The following PHF20L1 variants were observed in gnomAD, a reference collection of about 807,000 sequenced individuals.
PHF20L1 encodes the protein PHD finger protein 20-like protein 1.
PHF20L1 carries 44 observed loss-of-function variants against 125.5 expected under a neutral mutation model. The ratio of observed to expected loss-of-function variants is 0.35; its 90% CI spans 0.28 to 0.45. The LOEUF is 0.45. Ranked by LOEUF, PHF20L1 falls within the 20% of genes least tolerant of loss-of-function variation. PHF20L1 has a pLI of 1.00. For synonymous variants in PHF20L1, 380 were observed against 403.1 expected (o/e 0.94, Z 0.69); for missense variants, 1,012 against 1,217.2 (o/e 0.83, Z 2.51).
In PHF20L1 at chr8:132,847,286, CTGTT is replaced by C. The variant is rs1554645816; in HGVS notation, c.*1365_*1368del. On this transcript the variant is annotated 3_prime_UTR_variant, in exon 21 of 21. Transcript: ENST00000395386. Reference sequence around the variant, plus strand: ...ACATGAAATGTTACCTTTTAACAGACTGTTTTTAAAAATTAAAAATGTATGTATA... The same window carrying C: ...ACATGAAATGTTACCTTTTAACAGACTTTAAAAATTAAAAATGTATGTATA... 2.6e-5 allele frequency: 4 copies of C among 152,474 alleles called. 1 individual carries two copies. The highest frequency in any genetic ancestry group is 4.1e-4 in the South Asian group (2 of 4,834). 9.4% of individuals were successfully genotyped at this position (152,474 alleles called of 1,614,324 possible). A position where few individuals can be genotyped will look rare whatever the true frequency, so the allele number is the denominator to read the frequency against.
rs569849685 is a variant in PHF20L1 at position 132,777,658 on chromosome 8, A to G, written c.-37-134A>G. 70 of 541,654 alleles carry G rather than the reference A, an allele frequency of 1.3e-4. No homozygotes were observed. In the South Asian group the frequency reaches 1.6e-3, roughly 12 times the overall value. The allele number at this position is 541,654 out of a possible 1,614,324, so 33.6% of individuals were successfully genotyped here. On this transcript the variant is annotated intron_variant, in intron 1 of 20. Transcript: ENST00000395386. ...TGGTAATACTCCTTCAAATTTCTTAACAATTTGGCAAGTATTTCATATTCT... is the reference window on the plus strand; with the variant it reads ...TGGTAATACTCCTTCAAATTTCTTAGCAATTTGGCAAGTATTTCATATTCT...
intron 12 of PHF20L1, among the ~76,000 whole-genome samples, chr8:132,822,703 A>G (rs941563883): frequency 2.0e-5 from 3 of 151,984 alleles, no homozygotes; most frequent in African/African-American, 7.2e-5. Context: ...TTTTTCTGTC[A>G]TAACAAATGG....
At chr8:132,804,796 GTAATT>G (rs1233506800) in intron 8 of PHF20L1, 56 bp downstream of exon 8, 3 of 1,425,370 alleles carry the variant, frequency 2.1e-6, no homozygotes, top group Non-Finnish European at 2.9e-6. Context: ...TAATTTTAGA[GTAATT>G]TATTTTTAAT....
At chr8:132,785,220 A>G (rs1378393337) in intron 2 of PHF20L1, among the ~76,000 whole-genome samples, 1 of 152,152 alleles carries the variant, frequency 6.6e-6, no homozygotes, top group African/African-American at 2.4e-5. Context: ...GCCGAATGTT[A>G]TTATGTATTA....
chr8:132,816,848 G>T (rs1465208229), intron 10 of PHF20L1, 40 bp from the exon 11 acceptor site: 5 of 1,282,134 alleles, frequency 3.9e-6, no homozygotes, highest in Admixed American at 3.5e-5. Flanking sequence ...GATGCTCCTG[G>T]TATGTATCTG....
At chr8:132,778,011 A>G in intron 2 of PHF20L1, 100 bp downstream of exon 2, 4 of 754,260 alleles carry the variant, frequency 5.3e-6, no homozygotes, top group Non-Finnish European at 9.3e-6. Context: ...CAGAAACATC[A>G]GTGTATTCAC....
At chr8:132,828,146 C>T (rs1836390923) in intron 14 of PHF20L1, among the ~76,000 whole-genome samples, 1 of 152,008 alleles carries the variant, frequency 6.6e-6, no homozygotes, top group South Asian at 2.1e-4. Context: ...TTTTAGTCTA[C>T]AGTTAGCACC....
rs1019323514 is a variant in PHF20L1 at position 132,848,150 on chromosome 8, T to A, written c.*2227T>A. ...AATTCATGCACATTTGTTCTTGTAGTTTCTAAAAATTAGATCAATTTATTT... is the reference window on the plus strand; with the variant it reads ...AATTCATGCACATTTGTTCTTGTAGATTCTAAAAATTAGATCAATTTATTT... On this transcript the variant is annotated 3_prime_UTR_variant, in exon 21 of 21. Transcript: ENST00000395386. 6.6e-6 allele frequency: 1 copy of A among 152,102 alleles called. No individual in the cohort carries two copies. Among genetic ancestry groups the A allele is most frequent in the African/African-American group, 2.4e-5 (1 of 41,442 alleles). The allele number at this position is 152,102 out of a possible 1,614,324, so 9.4% of individuals were successfully genotyped here.
chr8:132,789,424 G>A (rs1232411769), intron 2 of PHF20L1, among the ~76,000 whole-genome samples: 8 of 152,130 alleles, frequency 5.3e-5, no homozygotes, highest in African/African-American at 1.4e-4. Context: ...GCCATTAGAG[G>A]ACTTTAATTC....
intron 8 of PHF20L1, chr8:132,807,496 A>G (rs1167870140): frequency 3.6e-6 from 1 of 276,600 alleles, no homozygotes; most frequent in Non-Finnish European, 7.1e-6. Flanking sequence ...TGTTTCTGTA[A>G]CTTAAGGAAT....
intron 15 of PHF20L1, among the ~76,000 whole-genome samples, chr8:132,833,415 C>A (rs1031161117): frequency 6.6e-6 from 1 of 152,000 alleles, no homozygotes; most frequent in Non-Finnish European, 1.5e-5. Flanking sequence ...AAGTTACCAC[C>A]ACCCTTTTCC....
chr8:132,817,561 T>C lies in PHF20L1; in HGVS notation c.1579+16T>C. The C allele has an allele frequency of 6.4e-7, 1 of 1,570,382 alleles. No homozygotes were observed. The highest frequency in any genetic ancestry group is 8.7e-7 in the Non-Finnish European group (1 of 1,152,222). ...GCAGCAGCAGGTAAAAGAAAAAAAA[T>C]AAAGGCTCCTATAAGTAGATAAGTA... On this transcript the variant is annotated intron_variant, in intron 12 of 20. Transcript: ENST00000395386.
intron 19 of PHF20L1, chr8:132,843,754 C>T: frequency 1.0e-6 from 1 of 985,090 alleles, no homozygotes; most frequent in Non-Finnish European, 1.2e-6. Flanking sequence ...TTATACTGGT[C>T]TTTGGAAACG....
In PHF20L1 at chr8:132,794,750, A is replaced by G; in HGVS notation, c.273A>G (p.Glu91=). The G allele has an allele frequency of 6.2e-7, 1 of 1,612,568 alleles. No individual in the cohort carries two copies. The highest frequency in any genetic ancestry group is 8.5e-7 in the Non-Finnish European group (1 of 1,178,894). ...EEDFFDFKAG[E]EVLARWTDCR... is the part of the protein sequence containing the mutation. ...TAAAATAGGATTTTAAAGCTGGAGA[A>G]GAAGTTCTGGCTCGTTGGACAGACT... is the stretch of plus-strand genomic sequence containing the variant. The change falls in exon 4 of 21, where the codon GAA becomes GAG. Residue 91 remains glutamate, a synonymous_variant. Coordinates refer to ENST00000395386, the MANE Select transcript of PHF20L1 (RefSeq NM_016018.5).
rs1586977880 is a variant in PHF20L1 at position 132,817,259 on chromosome 8, G to T, written c.1373-80G>T. The T allele has an allele frequency of 4.1e-6, 5 of 1,227,284 alleles. No individual in the cohort carries two copies. In the East Asian group the frequency reaches 1.2e-4, roughly 29 times the overall value. 76.0% of individuals were successfully genotyped at this position (1,227,284 alleles called of 1,614,324 possible). A position where few individuals can be genotyped will look rare whatever the true frequency, so the allele number is the denominator to read the frequency against. On this transcript the variant is annotated intron_variant, in intron 11 of 20. Transcript: ENST00000395386. The stretch of plus-strand genomic sequence containing the variant: ...TTGTGCCAGGCACTGTTTAAATTAT[G>T]TAACACTTTAATTCACAGTGATAGT...
intron 9 of PHF20L1, chr8:132,812,871 C>T (rs1199879108): frequency 1.0e-6 from 1 of 980,630 alleles, no homozygotes; most frequent in East Asian, 1.1e-4. Context: ...ACTTACTGTG[C>T]TAATGGACTT....
At chr8:132,803,493 TAAGG>T (rs1833328499) in intron 6 of PHF20L1, 1 of 215,990 alleles carries the variant, frequency 4.6e-6, no homozygotes, top group South Asian at 9.4e-5. Context: ...CCTAAAATAC[TAAGG>T]TAGAATGTCA....
intron 8 of PHF20L1, chr8:132,807,504 A>G (rs958651612): frequency 7.2e-6 from 2 of 277,992 alleles, no homozygotes; most frequent in African/African-American, 2.3e-5. Context: ...TAACTTAAGG[A>G]ATTTAAAAAG....
chr8:132,803,797 G>C, intron 6 of PHF20L1, 22 bp from the exon 7 acceptor site: 1 of 1,370,628 alleles, frequency 7.3e-7, no homozygotes, highest in Non-Finnish European at 1.0e-6. Flanking sequence ...TACTTCACAT[G>C]TTTTGTGTTT....
Sources: allele counts gnomAD v4.1 joint callset (sites outside exome capture counted in the v4.1 genomes callset), GRCh38; gene constraint gnomAD v4.1.1; transcripts MANE v1.5; gene names NCBI Gene and HGNC (gene_info 2026-07-23, HGNC 2026-07-21).